The following RARB variants were observed in gnomAD, a reference collection of about 807,000 sequenced individuals.
The protein encoded by RARB is retinoic acid receptor beta.
In RARB, 17 loss-of-function variants were observed where a neutral mutation model predicts 51.9. The ratio of observed to expected loss-of-function variants is 0.33; its 90% CI spans 0.22 to 0.49. RARB has a LOEUF of 0.49. Among genes scored for constraint, RARB ranks in the 20% least tolerant of loss-of-function variants. The pLI is 0.99. For missense variants in RARB, 369 were observed against 550.8 expected (o/e 0.67, Z 3.30); for synonymous variants, 215 against 195.4 (o/e 1.10, Z -0.84).
chr3:25,451,787 A>G (rs896148745), intron 1 of RARB, among the ~76,000 whole-genome samples: 7 of 152,338 alleles, frequency 4.6e-5, no homozygotes, highest in African/African-American at 1.7e-4. Flanking sequence ...GTGTGTGTGG[A>G]TATCTGAAAT....
At chr3:25,140,980 A>T (rs1208075288) in intron 4 of RARB, among the ~76,000 whole-genome samples, 1 of 152,160 alleles carries the variant, frequency 6.6e-6, no homozygotes, top group Non-Finnish European at 1.5e-5. Flanking sequence ...TGCACACTTA[A>T]TATACTCAAG....
At chr3:25,589,145 T>A (rs187078686) in intron 5 of RARB, among the ~76,000 whole-genome samples, 55 of 152,338 alleles carry the variant, frequency 3.6e-4, no homozygotes, top group Non-Finnish European at 5.3e-4. Context: ...TAGGAAGCAT[T>A]TTCACTGAGG....
intron 2 of RARB, among the ~76,000 whole-genome samples, chr3:24,911,907 G>T (rs1049884808): frequency 3.3e-5 from 5 of 152,204 alleles, no homozygotes; most frequent in Non-Finnish European, 7.3e-5. Context: ...TCTCAGAAAG[G>T]CTAGGACTGT....
At chr3:25,474,439 A>G (rs1010799255) in intron 2 of RARB, among the ~76,000 whole-genome samples, 2 of 152,200 alleles carry the variant, frequency 1.3e-5, no homozygotes, top group African/African-American at 2.4e-5. Flanking sequence ...TAAATTCAGA[A>G]TAATAGCATG....
At chr3:24,960,336 G>A (rs747347304) in intron 2 of RARB, among the ~76,000 whole-genome samples, 2 of 152,170 alleles carry the variant, frequency 1.3e-5, no homozygotes, top group Non-Finnish European at 2.9e-5. Context: ...ATGCAGCACA[G>A]TGACTTTTAT....
At chr3:25,420,856 A>T (rs929055884) in intron 5 of RARB, among the ~76,000 whole-genome samples, 2 of 152,056 alleles carry the variant, frequency 1.3e-5, no homozygotes, top group East Asian at 3.9e-4. Flanking sequence ...GAATGGATGG[A>T]TGGATGGATG....
intron 7 of RARB, 87 bp from the exon 8 acceptor site, chr3:25,596,331 CTG>C (rs1701827406): frequency 1.9e-6 from 2 of 1,065,490 alleles, no homozygotes; most frequent in Non-Finnish European, 2.7e-6. Context: ...GGAAACACCT[CTG>C]TTAAAATATA....
chr3:25,323,031 C>T (rs1342648422), intron 5 of RARB, among the ~76,000 whole-genome samples: 3 of 152,116 alleles, frequency 2.0e-5, no homozygotes, highest in African/African-American at 4.8e-5. Flanking sequence ...TCAGAGGATC[C>T]AAAAGGGCCT....
At chr3:25,440,940 C>T (rs934371369) in intron 1 of RARB, among the ~76,000 whole-genome samples, 5 of 152,082 alleles carry the variant, frequency 3.3e-5, no homozygotes, top group African/African-American at 4.8e-5. Flanking sequence ...AAAATTCACA[C>T]GCAAATGAAG....
chr3:25,039,409 T>C (rs777858162), intron 2 of RARB, among the ~76,000 whole-genome samples: 1 of 152,156 alleles, frequency 6.6e-6, no homozygotes, highest in Non-Finnish European at 1.5e-5. Context: ...TGGTAAGAAG[T>C]TTACGGTTCA....
chr3:24,986,836 C>A (rs892461675), intron 2 of RARB, among the ~76,000 whole-genome samples: 2 of 152,092 alleles, frequency 1.3e-5, no homozygotes, highest in Admixed American at 1.3e-4. Context: ...TGAACTCCTA[C>A]CCCTTTGCCG....
At chr3:25,582,334 T>G (rs1701210270) in intron 5 of RARB, among the ~76,000 whole-genome samples, 1 of 152,144 alleles carries the variant, frequency 6.6e-6, no homozygotes. Context: ...CACCACAGTG[T>G]CTGAGTGGTC....
chr3:25,069,265 T>C (rs1698723482), intron 3 of RARB, among the ~76,000 whole-genome samples: 2 of 151,992 alleles, frequency 1.3e-5, no homozygotes, highest in East Asian at 1.9e-4. Flanking sequence ...CTCATTGATA[T>C]TGAGGGAACT....
At chr3:24,984,446 T>C (rs77223018) in intron 2 of RARB, among the ~76,000 whole-genome samples, 3,067 of 152,282 alleles carry the variant, frequency 0.02, 84 homozygotes, top group East Asian at 0.087. Flanking sequence ...TGGGTGAGGT[T>C]TCTTAAATTC....
rs531293017 is a variant in RARB, at chr3:25,545,137, G to A, written c.449-24621G>A. 1.2e-3 allele frequency among the ~76,000 whole-genome samples: 180 copies of A among 152,120 alleles called. 2 individuals carry two copies. Among genetic ancestry groups the A allele is most frequent in the South Asian group, 9.4e-3 (45 of 4,812 alleles). ...TTTGTATTTTTTTAGTAGAGATGGG[G>A]TTTTACCATTTTGGCCAGGCTGGTC... On this transcript the variant is annotated intron_variant, in intron 3 of 7. Coordinates refer to ENST00000330688, the MANE Select transcript of RARB (RefSeq NM_000965.5).
chr3:25,216,035 C>T (rs895552088), intron 5 of RARB, among the ~76,000 whole-genome samples: 2 of 152,186 alleles, frequency 1.3e-5, no homozygotes, highest in African/African-American at 2.4e-5. Flanking sequence ...GAGCCCTAAA[C>T]TTAAAAATAT....
chr3:25,040,490 T>G (rs1698089566), intron 2 of RARB, among the ~76,000 whole-genome samples: 1 of 152,168 alleles, frequency 6.6e-6, no homozygotes, highest in Admixed American at 6.5e-5. Context: ...CTCAGCACTT[T>G]GGGAGGCCTA....
intron 5 of RARB, among the ~76,000 whole-genome samples, chr3:25,247,485 G>T (rs1252436436): frequency 6.6e-6 from 1 of 152,220 alleles, no homozygotes; most frequent in African/African-American, 2.4e-5. Flanking sequence ...TCTGTGGGTT[G>T]TGAAGACCCT....
chr3:25,164,765 G>A (rs187993875), intron 4 of RARB, among the ~76,000 whole-genome samples: 291 of 152,222 alleles, frequency 1.9e-3, no homozygotes, highest in Non-Finnish European at 2.5e-3. Flanking sequence ...AAATGGGTAC[G>A]CATACATGCT....
Sources: allele counts gnomAD v4.1 joint callset (sites outside exome capture counted in the v4.1 genomes callset), GRCh38; gene constraint gnomAD v4.1.1; transcripts MANE v1.5; gene names NCBI Gene and HGNC (gene_info 2026-07-23, HGNC 2026-07-21).